GMPS: variants seen among roughly 807,000 people sequenced by gnomAD.
GMPS encodes GMP synthase [glutamine-hydrolyzing].
GMPS carries 15 observed loss-of-function variants against 77.9 expected under a neutral mutation model. The observed-to-expected ratio is 0.19, with a 90% confidence interval of 0.13 to 0.30. The LOEUF (loss-of-function observed/expected upper bound fraction) is 0.30. Among genes scored for constraint, GMPS ranks in the 10% least tolerant of loss-of-function variants. The probability of loss-of-function intolerance (pLI) is 1.00; values close to 1 mark genes in which losing one functional copy is unlikely to be tolerated. For missense variants in GMPS, 590 were observed against 838.8 expected (o/e 0.70, Z 3.66); for synonymous variants, 224 against 275.9 (o/e 0.81, Z 1.86).
chr3:155,899,134 G>A lies in GMPS; in HGVS notation c.324+1093G>A, dbSNP rs570661112. On this transcript the variant is annotated intron_variant, in intron 3 of 15. Transcript: ENST00000496455. ...TGTGATCCCAGCACTTTGGGAGGCC[G>A]AGGCGGGTGGATCACCTGAGGTCGG... Among the ~76,000 whole-genome samples the A allele has an allele frequency of 4.0e-3, 602 of 152,222 alleles. 2 individuals carry two copies. Among genetic ancestry groups the A allele is most frequent in the South Asian group, 5.4e-3 (26 of 4,822 alleles).
chr3:155,903,779 AATAAT>A (rs1298081975), intron 3 of GMPS, 79 bp from the exon 4 acceptor site: 9 of 583,396 alleles, frequency 1.5e-5, no homozygotes, highest in African/African-American at 1.9e-5. Context: ...TCTGAAAAGA[AATAAT>A]ATAAATTATT....
intron 12 of GMPS, among the ~76,000 whole-genome samples, chr3:155,927,029 A>T (rs1007655639): frequency 6.6e-6 from 1 of 151,866 alleles, no homozygotes; most frequent in Non-Finnish European, 1.5e-5. Flanking sequence ...AAAAAAAAAA[A>T]TTGATTGTTA....
At chr3:155,933,090 G>A (rs1328430716) in intron 13 of GMPS, among the ~76,000 whole-genome samples, 1 of 152,126 alleles carries the variant, frequency 6.6e-6, no homozygotes, top group Non-Finnish European at 1.5e-5. Flanking sequence ...TACTCGGGAG[G>A]CTGAGGCAGA....
chr3:155,918,306 G>C (rs1223352483), intron 9 of GMPS, among the ~76,000 whole-genome samples: 1 of 151,962 alleles, frequency 6.6e-6, no homozygotes, highest in Non-Finnish European at 1.5e-5. Context: ...AAAAAAATTA[G>C]CCAGGTTTGG....
chr3:155,932,293 CACA>C (rs1429473736), intron 13 of GMPS, among the ~76,000 whole-genome samples: 3 of 151,794 alleles, frequency 2.0e-5, no homozygotes, highest in African/African-American at 7.2e-5. Context: ...CACACACACA[CACA>C]CACACACACA....
At position 155,916,075 on chromosome 3, in the gene GMPS, C is replaced by T. The variant is rs753695634; in HGVS notation, c.1095C>T (p.Ala365=). The T allele has an allele frequency of 1.2e-6, 2 of 1,613,074 alleles. No individual in the cohort carries two copies. Among genetic ancestry groups the T allele is most frequent in the South Asian group, 2.2e-5 (2 of 91,050 alleles). The change falls in exon 9 of 16, where the codon GCC becomes GCT. Residue 365 remains alanine, a synonymous_variant. Coordinates refer to ENST00000496455, the MANE Select transcript of GMPS (RefSeq NM_003875.3). ...MNLKPEEVFL[A]QGTLRPDLIE... is the part of the protein sequence containing the mutation. Reference sequence around the variant, plus strand: ...TGAAACCAGAGGAGGTTTTCCTTGCCCAAGGTACTTTACGGCCTGATCTAA... The same window carrying T: ...TGAAACCAGAGGAGGTTTTCCTTGCTCAAGGTACTTTACGGCCTGATCTAA...
At position 155,903,875 on chromosome 3, in the gene GMPS, G is replaced by T; in HGVS notation, c.337G>T (p.Val113Leu). 6.7e-7 allele frequency: 1 copy of T among 1,496,206 alleles called. No homozygotes were observed. Among genetic ancestry groups the T allele is most frequent in the Non-Finnish European group, 9.1e-7 (1 of 1,094,246 alleles). 92.7% of individuals were successfully genotyped at this position (1,496,206 alleles called of 1,614,324 possible). Reference sequence around the variant, plus strand: ...TTTCTTTGAACAGATGATGAATAAGGTATTTGGAGGTACTGTGCACAAAAA... The same window carrying T: ...TTTCTTTGAACAGATGATGAATAAGTTATTTGGAGGTACTGTGCACAAAAA... Reference protein sequence around the residue: ...ICYGMQMMNKVFGGTVHKKSV... With the variant: ...ICYGMQMMNKLFGGTVHKKSV... The change falls in exon 4 of 16, where the codon GTA becomes TTA. Residue 113 changes from valine (V) to leucine (L), a missense_variant. Around this residue, in one of 6 missense-constraint regions of GMPS, gnomAD observed 136 missense variants for 225.6 expected, o/e 0.60. Coordinates refer to ENST00000496455, the MANE Select transcript of GMPS (RefSeq NM_003875.3).
chr3:155,892,057 A>G (rs865994610), intron 1 of GMPS, among the ~76,000 whole-genome samples: 1 of 152,176 alleles, frequency 6.6e-6, no homozygotes, highest in African/African-American at 2.4e-5. Flanking sequence ...AAATTTTACA[A>G]CTAGAGGGAG....
At chr3:155,894,983 C>T (rs1754565839) in intron 2 of GMPS, among the ~76,000 whole-genome samples, 1 of 152,134 alleles carries the variant, frequency 6.6e-6, no homozygotes, top group African/African-American at 2.4e-5. Flanking sequence ...ATCTGAATGC[C>T]TCTCTGTCAA....
At chr3:155,894,227 GCTTT>G (rs1754543241) in intron 2 of GMPS, among the ~76,000 whole-genome samples, 1 of 152,082 alleles carries the variant, frequency 6.6e-6, no homozygotes, top group Admixed American at 6.6e-5. Flanking sequence ...TTAATGTCAT[GCTTT>G]CTTTTTTTTT....
At chr3:155,871,515 C>T (rs1468525332) in intron 1 of GMPS, among the ~76,000 whole-genome samples, 1 of 152,206 alleles carries the variant, frequency 6.6e-6, no homozygotes, top group Non-Finnish European at 1.5e-5. Context: ...ACTGTCTTCC[C>T]CCTCCCCCAA....
At chr3:155,892,438 C>T (rs1157152921) in intron 1 of GMPS, among the ~76,000 whole-genome samples, 2 of 152,134 alleles carry the variant, frequency 1.3e-5, no homozygotes, top group Non-Finnish European at 2.9e-5. Context: ...GTACCTATCA[C>T]CCAACTTCAG....
rs145839066 is a variant in GMPS at position 155,926,527 on chromosome 3, GTAAC to G, written c.1560+1166_1560+1169del. ...AAAATTATGTGTAGAATATACATAT[GTAAC>G]TAACCTGCACATTGTGCACATGTAC... On this transcript the variant is annotated intron_variant, in intron 12 of 15. Coordinates refer to ENST00000496455, the MANE Select transcript of GMPS (RefSeq NM_003875.3). 9.8e-3 allele frequency among the ~76,000 whole-genome samples: 1,497 copies of G among 152,010 alleles called. 9 individuals are homozygous for G. The highest frequency in any genetic ancestry group is 0.02 in the Middle Eastern group (6 of 294).
At chr3:155,908,907 G>T (rs911590258) in intron 5 of GMPS, among the ~76,000 whole-genome samples, 1 of 152,164 alleles carries the variant, frequency 6.6e-6, no homozygotes, top group African/African-American at 2.4e-5. Context: ...TTAAGGTGAT[G>T]AGAGTATGAG....
At chr3:155,919,671 A>G (rs555251105) in intron 10 of GMPS, among the ~76,000 whole-genome samples, 3 of 152,282 alleles carry the variant, frequency 2.0e-5, no homozygotes, top group Admixed American at 2.0e-4. Context: ...AGGATTTGTT[A>G]TATTATTTGT....
At chr3:155,937,468 C>A in intron 15 of GMPS, 123 bp from the exon 16 acceptor site, 1 of 615,608 alleles carries the variant, frequency 1.6e-6, no homozygotes, top group Non-Finnish European at 2.9e-6. Context: ...AGAAACCATC[C>A]CATATACATG....
At chr3:155,884,738 T>C (rs1399678787) in intron 1 of GMPS, among the ~76,000 whole-genome samples, 1 of 152,196 alleles carries the variant, frequency 6.6e-6, no homozygotes, top group Non-Finnish European at 1.5e-5. Flanking sequence ...TGTATTCAGT[T>C]TACCTGAGAA....
chr3:155,896,148 T>A (rs60422213), intron 2 of GMPS, among the ~76,000 whole-genome samples: 3,270 of 152,198 alleles, frequency 0.021, 138 homozygotes, highest in African/African-American at 0.074. Context: ...TGGCTGGGAC[T>A]ACAGGTGCCC....
At chr3:155,901,055 A>G (rs1391887466) in intron 3 of GMPS, among the ~76,000 whole-genome samples, 1 of 152,054 alleles carries the variant, frequency 6.6e-6, no homozygotes, top group African/African-American at 2.4e-5. Flanking sequence ...TGCTCCCTTT[A>G]TATCTCTTAA....
Sources: allele counts gnomAD v4.1 joint callset (sites outside exome capture counted in the v4.1 genomes callset), GRCh38; gene constraint gnomAD v4.1.1; regional missense constraint gnomAD v4.1.1; transcripts MANE v1.5; gene names NCBI Gene and HGNC (gene_info 2026-07-23, HGNC 2026-07-21).